Variants in MARCHF1 observed in about 807,000 individuals in gnomAD.
MARCHF1 encodes the protein E3 ubiquitin-protein ligase MARCHF1.
In MARCHF1, 40 loss-of-function variants were observed where a neutral mutation model predicts 54.2. That is an observed-to-expected ratio of 0.74 (90% confidence interval 0.57 to 0.96). The LOEUF (loss-of-function observed/expected upper bound fraction) is 0.96. Among genes scored for constraint, MARCHF1 ranks in the 40% least tolerant of loss-of-function variants. MARCHF1 has a pLI of 0.00. For missense variants in MARCHF1, 586 were observed against 656.5 expected (o/e 0.89, Z 1.17); for synonymous variants, 236 against 236.3 (o/e 1.00, Z 0.01).
In MARCHF1 at chr4:164,001,632, C is replaced by G. The variant is rs562002131; in HGVS notation, c.-247-12923G>C. Reference sequence around the variant, plus strand: ...GAAGGTAATTCCTACAATTTTCCAGCTTTCTGCCTGGAGGCAATTACTTGA... The same window carrying G: ...GAAGGTAATTCCTACAATTTTCCAGGTTTCTGCCTGGAGGCAATTACTTGA... On this transcript the variant is annotated intron_variant, in intron 2 of 9. Coordinates refer to ENST00000514618, the MANE Select transcript of MARCHF1 (RefSeq NM_001394959.1). Among the ~76,000 whole-genome samples the G allele has an allele frequency of 1.5e-4, 23 of 151,980 alleles. No individual in the cohort carries two copies. In the South Asian group the frequency reaches 1.9e-3, roughly 12 times the overall value.
At chr4:163,694,476 A>C (rs1744558209) in intron 5 of MARCHF1, among the ~76,000 whole-genome samples, 1 of 152,174 alleles carries the variant, frequency 6.6e-6, no homozygotes, top group Non-Finnish European at 1.5e-5. Flanking sequence ...CCTTGCCTCA[A>C]GAGGGGACAA....
At chr4:164,091,518 A>G (rs1755302246) in intron 2 of MARCHF1, among the ~76,000 whole-genome samples, 1 of 150,840 alleles carries the variant, frequency 6.6e-6, no homozygotes, top group Non-Finnish European at 1.5e-5. Context: ...ATAGTTTCCT[A>G]ACAGGTGAGT....
At chr4:163,810,475 A>G (rs1373733988) in intron 4 of MARCHF1, among the ~76,000 whole-genome samples, 1 of 152,200 alleles carries the variant, frequency 6.6e-6, no homozygotes, top group Non-Finnish European at 1.5e-5. Flanking sequence ...TAAGCAAGAA[A>G]GTCTATGGGT....
intron 1 of MARCHF1, among the ~76,000 whole-genome samples, chr4:164,141,696 A>C (rs1756539852): frequency 1.3e-5 from 2 of 152,248 alleles, no homozygotes; most frequent in Admixed American, 1.3e-4. Context: ...TCTTAAAGGT[A>C]CTGTGCAGAA....
At chr4:163,634,112 G>C (rs530535448) in intron 5 of MARCHF1, among the ~76,000 whole-genome samples, 3,201 of 152,272 alleles carry the variant, frequency 0.021, 117 homozygotes, top group African/African-American at 0.072. Flanking sequence ...AACATGGAAA[G>C]GAACAACCGG....
intron 2 of MARCHF1, among the ~76,000 whole-genome samples, chr4:164,028,272 G>T (rs1216370275): frequency 1.3e-5 from 2 of 152,278 alleles, no homozygotes; most frequent in Admixed American, 6.5e-5. Context: ...ACATGCATTT[G>T]TATGTTCACC....
intron 2 of MARCHF1, among the ~76,000 whole-genome samples, chr4:164,053,913 A>T (rs558941653): frequency 6.6e-6 from 1 of 152,176 alleles, no homozygotes; most frequent in Non-Finnish European, 1.5e-5. Flanking sequence ...ACAAAGACAA[A>T]ATTGACAAAT....
intron 1 of MARCHF1, among the ~76,000 whole-genome samples, chr4:164,167,278 A>C (rs890188970): frequency 7.2e-5 from 11 of 151,856 alleles, no homozygotes; most frequent in African/African-American, 2.7e-4. Context: ...GAAATTGAAG[A>C]AGATACAAAT....
intron 2 of MARCHF1, among the ~76,000 whole-genome samples, chr4:164,069,529 C>T (rs770330552): frequency 3.7e-4 from 57 of 152,238 alleles, no homozygotes; most frequent in African/African-American, 5.1e-4. Context: ...ACTCCAGACA[C>T]GCCGCCTTAA....
Position 164,212,923 on chromosome 4 carries a change from TCAGGGCCTC to T in MARCHF1, c.-322-101270_-322-101262del, listed in dbSNP as rs1731818538. 3.3e-5 allele frequency among the ~76,000 whole-genome samples: 5 copies of T among 152,320 alleles called. No homozygotes were observed. In the South Asian group the frequency reaches 1.0e-3, roughly 32 times the overall value. On this transcript the variant is annotated intron_variant, in intron 1 of 9. Coordinates refer to ENST00000514618, the MANE Select transcript of MARCHF1 (RefSeq NM_001394959.1). ...TTTGAAAGTGCCAGTGTTTCTGTCTTCAGGGCCTCCAGGGCATGAAAGGTTTGACTGTAT... is the reference window on the plus strand; with the variant it reads ...TTTGAAAGTGCCAGTGTTTCTGTCTTCAGGGCATGAAAGGTTTGACTGTAT...
At chr4:164,331,704 C>A (rs1383105400) in intron 1 of MARCHF1, among the ~76,000 whole-genome samples, 7 of 152,112 alleles carry the variant, frequency 4.6e-5, no homozygotes, top group African/African-American at 7.2e-5. Flanking sequence ...AATACATCTA[C>A]ATATCTATAA....
intron 3 of MARCHF1, among the ~76,000 whole-genome samples, chr4:163,864,612 G>A (rs1002891541): frequency 6.6e-6 from 1 of 151,972 alleles, no homozygotes; most frequent in African/African-American, 2.4e-5. Context: ...ACAGTAAGAT[G>A]TTAATAATAG....
rs887661315 is a variant in MARCHF1 at position 164,154,848 on chromosome 4, A to G, written c.-322-43186T>C. On this transcript the variant is annotated intron_variant, in intron 1 of 9. Coordinates refer to ENST00000514618, the MANE Select transcript of MARCHF1 (RefSeq NM_001394959.1). Reference sequence around the variant, plus strand: ...AAGATCTTGTCCAGCATCCCAGAAGACTCAGGTCACACACGGACTTGAAGG... The same window carrying G: ...AAGATCTTGTCCAGCATCCCAGAAGGCTCAGGTCACACACGGACTTGAAGG... 3.9e-5 allele frequency among the ~76,000 whole-genome samples: 6 copies of G among 152,222 alleles called. No individual in the cohort carries two copies. The East Asian group carries it at 1.2e-3, about 29-fold the overall frequency.
intron 8 of MARCHF1, chr4:163,556,103 T>TA (rs1236272846): frequency 5.4e-6 from 2 of 372,006 alleles, no homozygotes; most frequent in East Asian, 7.4e-5. Context: ...TTATTAGATT[T>TA]TTTTTCGTTC....
In MARCHF1 at chr4:163,550,507, C is replaced by CTT. The variant is rs35963243; in HGVS notation, c.1192-4766_1192-4765dup. On this transcript the variant is annotated intron_variant, in intron 8 of 9. Transcript: ENST00000514618. ...CCAAACAGTAGCTAGTACGGTAGCC[C>CTT]TTTTTTTTTTTTTTTTTGGTACCGC... Among the ~76,000 whole-genome samples, 402 of 142,222 alleles carry CTT rather than the reference C, an allele frequency of 2.8e-3. 1 individual carries two copies. The highest frequency in any genetic ancestry group is 9.0e-3 in the African/African-American group (349 of 38,892). 93.3% of individuals were successfully genotyped at this position (142,222 alleles called of 152,430 possible). A position where few individuals can be genotyped will look rare whatever the true frequency, so the allele number is the denominator to read the frequency against.
intron 2 of MARCHF1, among the ~76,000 whole-genome samples, chr4:164,041,308 T>C (rs1195452682): frequency 6.6e-6 from 1 of 152,096 alleles, no homozygotes; most frequent in Non-Finnish European, 1.5e-5. Context: ...ATCAGAAATA[T>C]CCCCCTCTTT....
intron 4 of MARCHF1, among the ~76,000 whole-genome samples, chr4:163,736,901 A>AT (rs1177418820): frequency 1.3e-5 from 2 of 152,124 alleles, no homozygotes; most frequent in Non-Finnish European, 2.9e-5. Context: ...ATTCCATATC[A>AT]TTTTTTAGTT....
rs1754926561 is a variant in MARCHF1 at position 164,074,156 on chromosome 4, A to C, written c.-248+37432T>G. 2.0e-5 allele frequency among the ~76,000 whole-genome samples: 3 copies of C among 152,234 alleles called. No individual in the cohort carries two copies. The South Asian group carries it at 6.2e-4, about 32-fold the overall frequency. ...GAAATAAATAACCACAATGCAAATT[A>C]ATTAGCCTGCCTCCAACCTTCCCAT... On this transcript the variant is annotated intron_variant, in intron 2 of 9. Transcript: ENST00000514618.
chr4:163,670,388 GT>G (rs1743693656), intron 5 of MARCHF1, among the ~76,000 whole-genome samples: 1 of 149,994 alleles, frequency 6.7e-6, no homozygotes, highest in Non-Finnish European at 1.5e-5. Flanking sequence ...CTATCTGTCT[GT>G]CTATCTATCT....
Sources: gnomAD v4.1 joint callset for allele counts (sites outside exome capture counted in the v4.1 genomes callset) on GRCh38, gnomAD v4.1.1 for gene constraint, MANE v1.5 for transcripts, NCBI Gene and HGNC (gene_info 2026-07-23, HGNC 2026-07-21) for gene names.